Variants in FANCL observed in about 807,000 individuals in gnomAD.
The protein encoded by FANCL is E3 ubiquitin-protein ligase FANCL.
In FANCL, 69 loss-of-function variants were observed where a neutral mutation model predicts 59.4. The observed-to-expected ratio is 1.16, with a 90% CI of 0.96 to 1.42. The LOEUF is 1.42. FANCL is among the 40% of genes most tolerant of loss of function. The pLI is 0.00. For synonymous variants in FANCL, 180 were observed against 147.1 expected, an observed-to-expected ratio of 1.22 and a Z score of -1.62; for missense variants, 519 against 447.2, an observed-to-expected ratio of 1.16 and a Z score of -1.45.
intron 1 of FANCL, among the ~76,000 whole-genome samples, chr2:58,237,843 ATGTG>A (rs1479490151): frequency 6.6e-6 from 1 of 152,208 alleles, no homozygotes; most frequent in East Asian, 1.9e-4. Flanking sequence ...GCAGAAGTAA[ATGTG>A]TGTGACTTCA....
chr2:58,206,767 C>T (rs893041172), intron 5 of FANCL, among the ~76,000 whole-genome samples: 14 of 152,026 alleles, frequency 9.2e-5, no homozygotes, highest in East Asian at 3.9e-4. Flanking sequence ...AACTTTAAGA[C>T]GCAATTTAAA....
intron 7 of FANCL, among the ~76,000 whole-genome samples, chr2:58,177,083 A>G (rs545392161): frequency 1.3e-5 from 2 of 152,350 alleles, no homozygotes; most frequent in East Asian, 1.9e-4. Context: ...ACAACGAGAT[A>G]TCATCTCACA....
At chr2:58,218,770 C>A (rs1692105765) in intron 5 of FANCL, among the ~76,000 whole-genome samples, 1 of 151,918 alleles carries the variant, frequency 6.6e-6, no homozygotes, top group African/African-American at 2.4e-5. Context: ...CTCGGTTTCT[C>A]CCTGTTGGAG....
At chr2:58,188,806 G>T (rs1013213309) in intron 7 of FANCL, among the ~76,000 whole-genome samples, 1 of 151,256 alleles carries the variant, frequency 6.6e-6, no homozygotes, top group East Asian at 1.9e-4. Flanking sequence ...TTTTGATTGC[G>T]AATGCATTGA....
At chr2:58,216,137 A>T (rs143660630) in intron 5 of FANCL, among the ~76,000 whole-genome samples, 4 of 152,278 alleles carry the variant, frequency 2.6e-5, no homozygotes, top group African/African-American at 9.6e-5. Context: ...CCAGGGGGGA[A>T]ATCCCAATGA....
chr2:58,168,782 C>T (rs768411699), intron 7 of FANCL, among the ~76,000 whole-genome samples: 36 of 152,092 alleles, frequency 2.4e-4, no homozygotes, highest in African/African-American at 8.5e-4. Context: ...TCCACCATTA[C>T]TGAGGCTTGA....
intron 4 of FANCL, among the ~76,000 whole-genome samples, chr2:58,225,396 G>A (rs79064653): frequency 0.064 from 9,751 of 151,956 alleles, 400 homozygotes; most frequent in Non-Finnish European, 0.092. Context: ...CTCTACAGAA[G>A]ATTTTCAACT....
chr2:58,173,430 C>G (rs1030293508), intron 7 of FANCL, among the ~76,000 whole-genome samples: 15 of 152,188 alleles, frequency 9.9e-5, no homozygotes, highest in Non-Finnish European at 1.6e-4. Context: ...AGACTAACAG[C>G]TGATCTCTCA....
chr2:58,231,795 T>C (rs750850383), intron 2 of FANCL, among the ~76,000 whole-genome samples: 1 of 152,210 alleles, frequency 6.6e-6, no homozygotes, highest in African/African-American at 2.4e-5. Flanking sequence ...TATTTGTTAG[T>C]GAAGTGTACA....
At chr2:58,179,370 C>A (rs1456991618) in intron 7 of FANCL, among the ~76,000 whole-genome samples, 1 of 152,162 alleles carries the variant, frequency 6.6e-6, no homozygotes, top group Non-Finnish European at 1.5e-5. Context: ...CAGCATGGTA[C>A]TGGTACCAAA....
At chr2:58,213,928 T>C (rs946714120) in intron 5 of FANCL, among the ~76,000 whole-genome samples, 1 of 152,296 alleles carries the variant, frequency 6.6e-6, no homozygotes, top group Non-Finnish European at 1.5e-5. Context: ...GGAGAATTTA[T>C]TAAAGGCTCC....
At chr2:58,200,966 A>G (rs1689952883) in intron 6 of FANCL, among the ~76,000 whole-genome samples, 1 of 151,456 alleles carries the variant, frequency 6.6e-6, no homozygotes, top group Non-Finnish European at 1.5e-5. Flanking sequence ...TGCAAAATCA[A>G]TTTTGTTTAT....
intron 5 of FANCL, among the ~76,000 whole-genome samples, chr2:58,216,181 G>A (rs1000845625): frequency 6.6e-6 from 1 of 152,144 alleles, no homozygotes; most frequent in Non-Finnish European, 1.5e-5. Context: ...GCTCTAAAGG[G>A]TTATAGCTTG....
At chr2:58,192,263 A>AAC (rs1405564769) in intron 7 of FANCL, among the ~76,000 whole-genome samples, 7 of 151,952 alleles carry the variant, frequency 4.6e-5, no homozygotes, top group African/African-American at 9.7e-5. Context: ...ACCAATTTTT[A>AAC]TAATCTTAGA....
chr2:58,188,924 C>CA (rs1430477229), intron 7 of FANCL, among the ~76,000 whole-genome samples: 2 of 151,916 alleles, frequency 1.3e-5, no homozygotes, highest in Non-Finnish European at 2.9e-5. Flanking sequence ...CAATACTTAC[C>CA]AAAAAAAGAA....
intron 6 of FANCL, among the ~76,000 whole-genome samples, chr2:58,201,519 G>C (rs1167826552): frequency 1.3e-5 from 2 of 151,920 alleles, no homozygotes; most frequent in Non-Finnish European, 2.9e-5. Flanking sequence ...TGATCCCCAA[G>C]TAAATACATA....
chr2:58,176,145 G>T (rs1451645265), intron 7 of FANCL, among the ~76,000 whole-genome samples: 1 of 151,936 alleles, frequency 6.6e-6, no homozygotes, highest in Non-Finnish European at 1.5e-5. Context: ...CAAACAAATG[G>T]AAGAACATTC....
intron 7 of FANCL, among the ~76,000 whole-genome samples, 159 bp from the exon 8 acceptor site, chr2:58,166,033 T>G (rs1685915136): frequency 6.6e-6 from 1 of 152,206 alleles, no homozygotes; most frequent in Admixed American, 6.5e-5. Flanking sequence ...GCTTCACATC[T>G]CTTCCTACAG....
intron 1 of FANCL, among the ~76,000 whole-genome samples, chr2:58,232,583 TTTAG>T (rs1693683790): frequency 6.6e-6 from 1 of 151,974 alleles, no homozygotes; most frequent in African/African-American, 2.4e-5. Flanking sequence ...TGAAAATATA[TTTAG>T]TTACACAATC....
Sources: allele counts gnomAD v4.1 joint callset (sites outside exome capture counted in the v4.1 genomes callset), GRCh38; gene constraint gnomAD v4.1.1; transcripts MANE v1.5; gene names NCBI Gene and HGNC (gene_info 2026-07-23, HGNC 2026-07-21).